The following UST variants were observed in gnomAD, a reference collection of about 807,000 sequenced individuals.
UST encodes chondroitin sulfate 2-O-sulfotransferase.
In UST, 21 loss-of-function variants were observed where a neutral mutation model predicts 45.6. The observed-to-expected ratio is 0.46, with a 90% CI of 0.33 to 0.66. The LOEUF (loss-of-function observed/expected upper bound fraction) is 0.66. Among genes scored for constraint, UST ranks in the 30% least tolerant of loss-of-function variants. The pLI, the probability that UST is intolerant of heterozygous loss-of-function variation, is 0.02. For synonymous variants in UST, 215 were observed against 200.6 expected, an observed-to-expected ratio of 1.07 and a Z score of -0.61; for missense variants, 463 against 512.4, an observed-to-expected ratio of 0.90 and a Z score of 0.93.
chr6:148,825,886 A>G (rs1484338034), intron 1 of UST, among the ~76,000 whole-genome samples: 1 of 152,160 alleles, frequency 6.6e-6, no homozygotes, highest in Non-Finnish European at 1.5e-5. Context: ...CAAGGGGGAA[A>G]TACCTCCCTC....
At chr6:148,880,475 A>T (rs1778802227) in intron 1 of UST, among the ~76,000 whole-genome samples, 2 of 152,224 alleles carry the variant, frequency 1.3e-5, no homozygotes, top group Non-Finnish European at 2.9e-5. Context: ...TAAAACTGCC[A>T]AAGTAAAGAG....
intron 1 of UST, among the ~76,000 whole-genome samples, chr6:148,822,684 A>G (rs1777489769): frequency 1.3e-5 from 2 of 152,226 alleles, no homozygotes; most frequent in African/African-American, 2.4e-5. Flanking sequence ...CATTTCTTCA[A>G]TGATACAAAC....
intron 7 of UST, among the ~76,000 whole-genome samples, chr6:149,047,546 C>T (rs948792713): frequency 6.6e-6 from 1 of 152,070 alleles, no homozygotes; most frequent in Non-Finnish European, 1.5e-5. Context: ...GTTCTCCCAC[C>T]CCTTGGCCAT....
chr6:148,995,527 A>G (rs1042876926), intron 5 of UST, among the ~76,000 whole-genome samples: 1 of 152,224 alleles, frequency 6.6e-6, no homozygotes, highest in Admixed American at 6.5e-5. Flanking sequence ...ATCTACTAGC[A>G]TTATTCTTGC....
intron 1 of UST, among the ~76,000 whole-genome samples, chr6:148,865,534 AGAG>A (rs201973391): frequency 0.013 from 2,035 of 150,910 alleles, 29 homozygotes; most frequent in Admixed American, 0.025. Flanking sequence ...TTTTAAAAAG[AGAG>A]AGAGAGAGAG....
At chr6:148,770,683 A>C (rs1308038633) in intron 1 of UST, among the ~76,000 whole-genome samples, 4 of 152,198 alleles carry the variant, frequency 2.6e-5, no homozygotes, top group Non-Finnish European at 5.9e-5. Flanking sequence ...TTTATAAAGT[A>C]CTTGCACCTT....
Position 148,747,238 on chromosome 6 carries a change from C to G in UST, c.-193C>G, listed in dbSNP as rs574364725. ...ACCGGGGCCGGACACCTCGGCCGCT[C>G]GGGCCGCGGCGGCGGGGACCATGCC... On this transcript the variant is annotated 5_prime_UTR_variant, in exon 1 of 8. Coordinates refer to ENST00000367463, the MANE Select transcript of UST (RefSeq NM_005715.3). 2.7e-3 allele frequency: 1,553 copies of G among 580,356 alleles called. 20 individuals carry two copies. The African/African-American group carries it at 0.028, about 10-fold the overall frequency. The allele number at this position is 580,356 out of a possible 1,614,324, so 36.0% of individuals were successfully genotyped here. A position where few individuals can be genotyped will look rare whatever the true frequency, so the allele number is the denominator to read the frequency against.
chr6:148,873,176 A>G (rs1391489010), intron 1 of UST, among the ~76,000 whole-genome samples: 2 of 152,210 alleles, frequency 1.3e-5, no homozygotes, highest in East Asian at 3.9e-4. Context: ...CACTTTTTAT[A>G]TCAAATATTT....
At chr6:148,981,463 G>A (rs1281806321) in intron 5 of UST, among the ~76,000 whole-genome samples, 2 of 152,200 alleles carry the variant, frequency 1.3e-5, no homozygotes, top group African/African-American at 4.8e-5. Context: ...CAGCCTGACT[G>A]TCAGCTCCTG....
At chr6:148,941,485 T>A (rs1379629943) in intron 3 of UST, 51 bp downstream of exon 3, 1 of 1,540,220 alleles carries the variant, frequency 6.5e-7, no homozygotes, top group South Asian at 1.3e-5. Flanking sequence ...AGCTCATTTG[T>A]GTAACTAGTG....
chr6:149,048,113 G>C (rs956210668), intron 7 of UST, among the ~76,000 whole-genome samples: 2 of 142,236 alleles, frequency 1.4e-5, no homozygotes, highest in Non-Finnish European at 3.1e-5. Flanking sequence ...AATTCCAGAT[G>C]GTCTAAAGAG....
At chr6:148,781,984 A>G (rs563574811) in intron 1 of UST, among the ~76,000 whole-genome samples, 2 of 152,254 alleles carry the variant, frequency 1.3e-5, no homozygotes, top group African/African-American at 2.4e-5. Context: ...GAGATGTACA[A>G]GGAGATTAAT....
intron 1 of UST, among the ~76,000 whole-genome samples, chr6:148,829,356 C>T (rs1415627347): frequency 3.3e-5 from 5 of 152,178 alleles, no homozygotes; most frequent in Admixed American, 2.0e-4. Flanking sequence ...GCACCCTCTG[C>T]ACTAATGACC....
At chr6:148,987,367 A>G (rs1005941604) in intron 5 of UST, among the ~76,000 whole-genome samples, 14 of 152,220 alleles carry the variant, frequency 9.2e-5, no homozygotes, top group African/African-American at 3.4e-4. Context: ...AGAACAACCC[A>G]GGAAGGGTCA....
intron 7 of UST, among the ~76,000 whole-genome samples, chr6:149,062,750 G>C (rs1776672864): frequency 6.6e-6 from 1 of 152,214 alleles, no homozygotes; most frequent in Non-Finnish European, 1.5e-5. Context: ...TCCAGTGCTT[G>C]GACTGAAATG....
intron 5 of UST, among the ~76,000 whole-genome samples, chr6:149,012,847 G>GT (rs1775836403): frequency 6.6e-6 from 1 of 151,400 alleles, no homozygotes; most frequent in Non-Finnish European, 1.5e-5. Context: ...CAGGAATGGT[G>GT]TTTTTGAATA....
intron 7 of UST, among the ~76,000 whole-genome samples, chr6:149,056,175 G>A (rs1361912048): frequency 1.8e-4 from 11 of 62,774 alleles, no homozygotes; most frequent in Admixed American, 1.2e-3. Context: ...GCTGCAGTGC[G>A]GTGGCGTTAG....
At chr6:148,981,069 G>A (rs2449382) in intron 5 of UST, among the ~76,000 whole-genome samples, 52,767 of 151,872 alleles carry the variant, frequency 0.35, 9,324 homozygotes, top group East Asian at 0.48. Flanking sequence ...CCTATCCATC[G>A]TTCAAATTCT....
intron 7 of UST, among the ~76,000 whole-genome samples, chr6:149,035,777 A>G (rs767144482): frequency 6.6e-6 from 1 of 150,694 alleles, no homozygotes; most frequent in Admixed American, 6.6e-5. Context: ...AAAAAAAAAA[A>G]GCGAAGAAAA....
Sources: allele counts gnomAD v4.1 joint callset (sites outside exome capture counted in the v4.1 genomes callset), GRCh38; gene constraint gnomAD v4.1.1; transcripts MANE v1.5; gene names NCBI Gene and HGNC (gene_info 2026-07-23, HGNC 2026-07-21).